The following OSBPL10 variants were observed in gnomAD, a reference collection of about 807,000 sequenced individuals.
OSBPL10 encodes oxysterol binding protein like 10.
In OSBPL10, 49 loss-of-function variants were observed where a neutral mutation model predicts 81.7. That is an observed-to-expected ratio of 0.60 (90% CI 0.48 to 0.76). The LOEUF is 0.76. Among genes scored for constraint, OSBPL10 ranks in the 30% least tolerant of loss-of-function variants. The pLI is 0.00. For synonymous variants in OSBPL10, 419 were observed against 383.6 expected, an observed-to-expected ratio of 1.09 and a Z score of -1.08; for missense variants, 923 against 987.8, an observed-to-expected ratio of 0.93 and a Z score of 0.88.
At chr3:32,045,974 T>TCAACAAA (rs909596096) in intron 2 of OSBPL10, 1 of 152,250 alleles carries the variant, frequency 6.6e-6, no homozygotes, top group Non-Finnish European at 1.5e-5. Flanking sequence ...ACTTGACCAG[T>TCAACAAA]CAACAAACAA....
At chr3:31,737,009 C>G (rs1697194526) in intron 5 of OSBPL10, among the ~76,000 whole-genome samples, 1 of 152,210 alleles carries the variant, frequency 6.6e-6, no homozygotes, top group African/African-American at 2.4e-5. Context: ...TCTATCCCAT[C>G]ATTATCCAGA....
chr3:31,772,825 A>C (rs755229503), intron 4 of OSBPL10, among the ~76,000 whole-genome samples: 5 of 152,200 alleles, frequency 3.3e-5, no homozygotes, highest in Non-Finnish European at 5.9e-5. Flanking sequence ...GCAAATACAG[A>C]ATCTGTAATG....
intron 3 of OSBPL10, among the ~76,000 whole-genome samples, chr3:31,853,806 A>G (rs1700834956): frequency 6.6e-6 from 1 of 152,182 alleles, no homozygotes. Context: ...CACATCAGGG[A>G]TCACACACAT....
At chr3:31,716,631 A>C (rs1389077530) in intron 6 of OSBPL10, among the ~76,000 whole-genome samples, 1 of 152,168 alleles carries the variant, frequency 6.6e-6, no homozygotes, top group Non-Finnish European at 1.5e-5. Context: ...CTCCAAACCC[A>C]ATCCTAGGCG....
chr3:31,971,336 C>T (rs952282517), intron 1 of OSBPL10, among the ~76,000 whole-genome samples: 3 of 152,146 alleles, frequency 2.0e-5, no homozygotes, highest in Non-Finnish European at 2.9e-5. Flanking sequence ...GACAGGGTTT[C>T]GCCATGTTGG....
intron 1 of OSBPL10, among the ~76,000 whole-genome samples, chr3:31,945,128 C>T (rs907536438): frequency 3.2e-5 from 4 of 126,548 alleles, no homozygotes; most frequent in Admixed American, 9.7e-5. Context: ...TCGAGCCTGG[C>T]GACAGAGCAA....
chr3:31,704,076 C>T (rs1279614747), intron 6 of OSBPL10: 1 of 152,422 alleles, frequency 6.6e-6, no homozygotes, highest in East Asian at 1.9e-4. Context: ...CTGGGGGTCT[C>T]CTCCAGCTCC....
chr3:31,793,760 A>G (rs1339148582), intron 4 of OSBPL10, among the ~76,000 whole-genome samples: 2 of 152,262 alleles, frequency 1.3e-5, no homozygotes, highest in Admixed American at 1.3e-4. Context: ...TAGAATTTAA[A>G]AAGTGGTTTT....
chr3:31,851,625 T>C (rs750852936), intron 3 of OSBPL10, among the ~76,000 whole-genome samples: 17 of 152,218 alleles, frequency 1.1e-4, no homozygotes, highest in South Asian at 6.2e-4. Context: ...CAATCTCTTC[T>C]CCACTCTGTC....
intron 1 of OSBPL10, among the ~76,000 whole-genome samples, chr3:32,059,448 A>G (rs1699739122): frequency 6.8e-6 from 1 of 147,746 alleles, no homozygotes; most frequent in African/African-American, 2.5e-5. Flanking sequence ...AAAATTAGCC[A>G]GGCGTGGTGG....
chr3:32,075,019 G>T (rs963664836), intron 1 of OSBPL10, among the ~76,000 whole-genome samples: 3 of 152,180 alleles, frequency 2.0e-5, no homozygotes, highest in African/African-American at 7.2e-5. Flanking sequence ...CGACCAAAAA[G>T]AGTCATCCGA....
chr3:32,026,099 T>TAGATAG lies in OSBPL10; in HGVS notation n.298+20386_298+20391dup, dbSNP rs1553649807. ...GATAGATAGATAGATAGATGATAGA[T>TAGATAG]AGATAGAGATAGAGATAGAGACAGA... On this transcript the variant is annotated intron_variant and non_coding_transcript_variant, in intron 2 of 3. Transcript: ENST00000479173. Among the ~76,000 whole-genome samples the TAGATAG allele has an allele frequency of 1.1e-4, 17 of 148,546 alleles. 1 individual carries two copies. The South Asian group carries it at 2.8e-3, about 24-fold the overall frequency.
At chr3:31,738,163 GAGCCACCACACTCC>G (rs578074733) in intron 5 of OSBPL10, among the ~76,000 whole-genome samples, 119 of 152,070 alleles carry the variant, frequency 7.8e-4, no homozygotes, top group African/African-American at 2.8e-3. Context: ...CTGCTTAAAG[GAGCCACCACACTCC>G]AGCAAAATCA....
chr3:31,909,669 C>G (rs150993459), intron 1 of OSBPL10, among the ~76,000 whole-genome samples: 99 of 152,246 alleles, frequency 6.5e-4, no homozygotes, highest in African/African-American at 2.1e-3. Flanking sequence ...CCCTCCATTT[C>G]AGATCAAGCG....
chr3:31,906,704 C>T (rs778948914), intron 1 of OSBPL10: 1 of 152,228 alleles, frequency 6.6e-6, no homozygotes, highest in Non-Finnish European at 1.5e-5. Flanking sequence ...CTCCTCTCCT[C>T]TGAGCAGGAA....
At chr3:31,726,638 C>A (rs996473220) in intron 6 of OSBPL10, among the ~76,000 whole-genome samples, 1 of 151,994 alleles carries the variant, frequency 6.6e-6, no homozygotes, top group Admixed American at 6.5e-5. Flanking sequence ...GAGAAGAGCT[C>A]CCATCCTTTC....
At chr3:31,709,624 A>G (rs1167431548) in intron 6 of OSBPL10, among the ~76,000 whole-genome samples, 1 of 152,242 alleles carries the variant, frequency 6.6e-6, no homozygotes, top group Non-Finnish European at 1.5e-5. Context: ...ACCTAAAGAA[A>G]GTACAAAAAA....
intron 2 of OSBPL10, among the ~76,000 whole-genome samples, chr3:32,017,843 C>G (rs1699329245): frequency 6.6e-6 from 1 of 152,124 alleles, no homozygotes; most frequent in African/African-American, 2.4e-5. Flanking sequence ...CATTGTGTCA[C>G]TAAACTTAAA....
chr3:32,028,927 GACACACACACACACACACACACACACAC>G (rs58442955), intron 2 of OSBPL10, among the ~76,000 whole-genome samples: 1,416 of 105,740 alleles, frequency 0.013, 36 homozygotes, highest in African/African-American at 0.049. Context: ...AGCTAGTCAG[GACACACACACACACACACACACACACAC>G]ACACACACAC....
Sources: allele counts gnomAD v4.1 joint callset (sites outside exome capture counted in the v4.1 genomes callset), GRCh38; gene constraint gnomAD v4.1.1; transcripts MANE v1.5; gene names NCBI Gene and HGNC (gene_info 2026-07-23, HGNC 2026-07-21).